RORB: variants seen among roughly 807,000 people sequenced by gnomAD.
RORB encodes the protein RAR related orphan receptor B.
In RORB, 6 loss-of-function variants were observed where a neutral mutation model predicts 59.1. That is an observed-to-expected ratio of 0.10 (90% CI 0.06 to 0.20). RORB has a LOEUF of 0.20. RORB is among the 10% of genes least tolerant of loss of function. RORB has a pLI of 1.00. For missense variants in RORB, 320 were observed against 560.5 expected (o/e 0.57, Z 4.33); for synonymous variants, 215 against 204.5 (o/e 1.05, Z -0.44).
intron 1 of RORB, among the ~76,000 whole-genome samples, chr9:74,566,021 T>C (rs762058251): frequency 5.9e-5 from 9 of 152,166 alleles, no homozygotes; most frequent in Admixed American, 2.0e-4. Context: ...CAGGCACTGA[T>C]GAAGTATTAA....
At chr9:74,627,919 G>C (rs1467328986) in intron 1 of RORB, among the ~76,000 whole-genome samples, 1 of 152,042 alleles carries the variant, frequency 6.6e-6, no homozygotes, top group African/African-American at 2.4e-5. Context: ...AAAAGTTTTA[G>C]AAAACCAGTT....
At chr9:74,580,537 G>A (rs1048620085) in intron 1 of RORB, among the ~76,000 whole-genome samples, 12 of 152,126 alleles carry the variant, frequency 7.9e-5, no homozygotes, top group African/African-American at 2.9e-4. Context: ...CTAATGGGAA[G>A]ATTAGAGAGA....
intron 1 of RORB, among the ~76,000 whole-genome samples, chr9:74,559,151 A>G (rs1368547671): frequency 1.3e-5 from 2 of 152,218 alleles, no homozygotes; most frequent in Admixed American, 1.3e-4. Context: ...GAGGCAAAAT[A>G]TATAAAATTA....
rs975477055 is a variant in RORB at position 74,691,642 on chromosome 9, A to G, written c.*6024A>G. On this transcript the variant is annotated 3_prime_UTR_variant, in exon 10 of 10. Coordinates refer to ENST00000376896, the MANE Select transcript of RORB (RefSeq NM_006914.4). ...GTAAATAACTGGAGACGGTGAGTAC[A>G]CTGATTTTTCTATGTCTCTGTTTAA... 6.6e-6 allele frequency: 1 copy of G among 152,208 alleles called. No individual in the cohort carries two copies. The highest frequency in any genetic ancestry group is 2.4e-5 in the African/African-American group (1 of 41,448). 9.4% of individuals were successfully genotyped at this position (152,208 alleles called of 1,614,324 possible). A position where few individuals can be genotyped will look rare whatever the true frequency, so the allele number is the denominator to read the frequency against.
chr9:74,646,086 T>C (rs1823893153), intron 4 of RORB, among the ~76,000 whole-genome samples: 1 of 151,272 alleles, frequency 6.6e-6, no homozygotes. Context: ...GAAAATCAGA[T>C]TTTGCCACAT....
chr9:74,662,757 T>G (rs1239196567), intron 6 of RORB, 151 bp downstream of exon 6: 1 of 768,702 alleles, frequency 1.3e-6, no homozygotes, highest in African/African-American at 1.7e-5. Flanking sequence ...CTCTCAGTAA[T>G]AAAAATGCCC....
chr9:74,656,165 A>C (rs141015065), intron 4 of RORB, among the ~76,000 whole-genome samples: 1 of 152,204 alleles, frequency 6.6e-6, no homozygotes, highest in Non-Finnish European at 1.5e-5. Context: ...GGAAGGAAGA[A>C]TGGATAGACA....
At chr9:74,535,279 A>G (rs978827858) in intron 1 of RORB, among the ~76,000 whole-genome samples, 47 of 152,054 alleles carry the variant, frequency 3.1e-4, no homozygotes, top group African/African-American at 1.1e-3. Flanking sequence ...TTTGCATTGC[A>G]GGAGAGGGAT....
rs936026101 is a variant in RORB at position 74,688,258 on chromosome 9, C to T, written c.*2640C>T. The T allele has an allele frequency of 1.3e-5, 2 of 152,210 alleles. No homozygotes were observed. Among genetic ancestry groups the T allele is most frequent in the South Asian group, 4.1e-4 (2 of 4,824 alleles). 9.4% of individuals were successfully genotyped at this position (152,210 alleles called of 1,614,324 possible). A position where few individuals can be genotyped will look rare whatever the true frequency, so the allele number is the denominator to read the frequency against. ...AATGGCAACCAGGACATACTCATCC[C>T]ACTTAGTTGAGAGAAGAGATTTCTA... On this transcript the variant is annotated 3_prime_UTR_variant, in exon 10 of 10. Coordinates refer to ENST00000376896, the MANE Select transcript of RORB (RefSeq NM_006914.4).
intron 1 of RORB, among the ~76,000 whole-genome samples, chr9:74,602,161 G>A (rs541886471): frequency 1.3e-5 from 2 of 152,174 alleles, no homozygotes; most frequent in East Asian, 3.9e-4. Flanking sequence ...CAACCTTCAC[G>A]CACTGTCTCC....
rs1306524351 is a variant in RORB, at chr9:74,692,644, A to G, written c.*7026A>G. On this transcript the variant is annotated 3_prime_UTR_variant, in exon 10 of 10. Transcript: ENST00000376896. The stretch of plus-strand genomic sequence containing the variant: ...GCATAAAAGTTGCATTGCCACAAGT[A>G]TGTAAAATAAAAATATTCACTCTAA... 1 of 152,208 alleles carries G rather than the reference A, an allele frequency of 6.6e-6. No homozygotes were observed. Among genetic ancestry groups the G allele is most frequent in the Non-Finnish European group, 1.5e-5 (1 of 68,028 alleles). 9.4% of individuals were successfully genotyped at this position (152,208 alleles called of 1,614,324 possible). A position where few individuals can be genotyped will look rare whatever the true frequency, so the allele number is the denominator to read the frequency against.
At chr9:74,593,970 A>T (rs1407902287) in intron 1 of RORB, among the ~76,000 whole-genome samples, 2 of 152,200 alleles carry the variant, frequency 1.3e-5, no homozygotes, top group Non-Finnish European at 2.9e-5. Context: ...AGAATACTAT[A>T]ATCAGAAAAA....
chr9:74,640,984 A>C (rs1823793922), intron 3 of RORB, among the ~76,000 whole-genome samples: 2 of 152,192 alleles, frequency 1.3e-5, no homozygotes, highest in Admixed American at 1.3e-4. Context: ...TTCTCAGAAG[A>C]GCATCAACCC....
chr9:74,538,473 T>A (rs1489416302), intron 1 of RORB, among the ~76,000 whole-genome samples: 1 of 151,958 alleles, frequency 6.6e-6, no homozygotes, highest in East Asian at 1.9e-4. Flanking sequence ...AGGGAAAAAA[T>A]TTCAAGAGAT....
intron 9 of RORB, among the ~76,000 whole-genome samples, chr9:74,678,312 G>T (rs1003521705): frequency 2.0e-5 from 3 of 152,160 alleles, no homozygotes; most frequent in African/African-American, 7.2e-5. Context: ...TTCCAGCTCA[G>T]ACCTCTGCAA....
Sources: gnomAD v4.1 joint callset for allele counts (sites outside exome capture counted in the v4.1 genomes callset) on GRCh38, gnomAD v4.1.1 for gene constraint, MANE v1.5 for transcripts, NCBI Gene and HGNC (gene_info 2026-07-23, HGNC 2026-07-21) for gene names.